UTY: variants seen among roughly 807,000 people sequenced by gnomAD.
UTY encodes the protein histone demethylase UTY.
UTY carries 12 observed loss-of-function variants against 32.5 expected under a neutral mutation model. The observed-to-expected ratio is 0.37, with a 90% confidence interval of 0.24 to 0.60. The LOEUF (loss-of-function observed/expected upper bound fraction) is 0.60. UTY is among the 20% of genes least tolerant of loss of function. The pLI is 0.69. For synonymous variants in UTY, 131 were observed against 103.4 expected, an observed-to-expected ratio of 1.27 and a Z score of -1.62; for missense variants, 303 against 299.2, an observed-to-expected ratio of 1.01 and a Z score of -0.09.
At chrY:13,438,266 T>C (rs995999726) in intron 4 of UTY, among the ~76,000 whole-genome samples, 1 of 33,553 alleles carries the variant, frequency 3.0e-5, no homozygotes, top group African/African-American at 1.2e-4. Flanking sequence ...AGACTAAACC[T>C]TTCTTCTTCT....
intron 7 of UTY, among the ~76,000 whole-genome samples, chrY:13,395,659 AACACACACACACAC>A (rs113496156): frequency 4.5e-5 from 1 of 22,097 alleles, no homozygotes; most frequent in African/African-American, 2.3e-4. Context: ...ACAAAATTAA[AACACACACACACAC>A]ACACACACAC....
intron 4 of UTY, among the ~76,000 whole-genome samples, chrY:13,430,726 T>A (rs558631369): frequency 2.1e-3 from 63 of 29,537 alleles, no homozygotes; most frequent in African/African-American, 7.8e-3. Flanking sequence ...AGATCAATTG[T>A]CCTCTAGACC....
chrY:13,260,761 T>C, intron 27 of UTY, among the ~76,000 whole-genome samples: 1 of 33,247 alleles, frequency 3.0e-5, no homozygotes, highest in Non-Finnish European at 7.5e-5. Context: ...GGAATTTTTA[T>C]GATTATAGAA....
intron 4 of UTY, among the ~76,000 whole-genome samples, chrY:13,423,655 T>TGTCA (rs2072907062): frequency 3.0e-5 from 1 of 33,127 alleles, no homozygotes; most frequent in Non-Finnish European, 7.4e-5. Flanking sequence ...AACCAGATGG[T>TGTCA]GTCAGTAAAT....
chrY:13,270,817 C>T (rs745859684), intron 27 of UTY, among the ~76,000 whole-genome samples: 2 of 33,535 alleles, frequency 6.0e-5, no homozygotes, highest in Non-Finnish European at 1.5e-4. Context: ...TGGTAGCTCA[C>T]GCCTGTAATC....
chrY:13,326,101 G>A, intron 19 of UTY, 120 bp downstream of exon 19: 1 of 228,624 alleles, frequency 4.4e-6, no homozygotes, highest in Non-Finnish European at 6.7e-6. Flanking sequence ...TTAAACCTTT[G>A]AGAGTAAAGT....
intron 25 of UTY, among the ~76,000 whole-genome samples, chrY:13,300,986 C>T (rs1603345101): frequency 3.1e-5 from 1 of 31,777 alleles, no homozygotes; most frequent in Non-Finnish European, 7.6e-5. Flanking sequence ...TTCTGCTTCC[C>T]GGTTCCAGCA....
intron 4 of UTY, among the ~76,000 whole-genome samples, chrY:13,421,389 C>A (rs1046085873): frequency 1.5e-4 from 5 of 33,256 alleles, no homozygotes; most frequent in Admixed American, 1.1e-3. Context: ...TGGGTATATA[C>A]CCCCAGAGTA....
intron 27 of UTY, among the ~76,000 whole-genome samples, chrY:13,267,522 T>C (rs2055925350): frequency 3.0e-5 from 1 of 33,370 alleles, no homozygotes; most frequent in Non-Finnish European, 7.4e-5. Context: ...TAGTCCACTA[T>C]CATTTAAGGT....
intron 26 of UTY, among the ~76,000 whole-genome samples, chrY:13,298,216 T>C (rs1569438358): frequency 3.0e-5 from 1 of 33,360 alleles, no homozygotes; most frequent in Admixed American, 2.7e-4. Context: ...GTTAGCAATG[T>C]AGAGACATGG....
chrY:13,460,638 T>C, intron 3 of UTY, among the ~76,000 whole-genome samples: 9 of 32,653 alleles, frequency 2.8e-4, no homozygotes, highest in Admixed American at 2.9e-4. Context: ...GAAGCGGAGA[T>C]AGCAGTTAGC....
chrY:13,321,118 A>C (rs2059790317), intron 21 of UTY, among the ~76,000 whole-genome samples: 3 of 33,667 alleles, frequency 8.9e-5, no homozygotes, highest in Non-Finnish European at 2.2e-4. Flanking sequence ...CGTCAAAGCC[A>C]ATTAAAAAAA....
intron 27 of UTY, among the ~76,000 whole-genome samples, chrY:13,278,477 T>C (rs2056821002): frequency 3.0e-5 from 1 of 32,973 alleles, no homozygotes; most frequent in African/African-American, 1.2e-4. Flanking sequence ...GGCACTTGGA[T>C]GGCATTCTGG....
chrY:13,315,523 G>C (rs2059434801), intron 21 of UTY, among the ~76,000 whole-genome samples: 1 of 33,863 alleles, frequency 3.0e-5, no homozygotes, highest in Admixed American at 2.6e-4. Context: ...CAGGAGAATA[G>C]CTTGAAGCCA....
chrY:13,480,397 T>C (rs761580553), upstream of UTY: 5 of 33,913 alleles, frequency 1.5e-4, no homozygotes, highest in African/African-American at 5.7e-4. Flanking sequence ...GAGTCCGTAA[T>C]GAGGCTCCCA....
chrY:13,383,026 C>A lies in UTY; in HGVS notation c.645+10833G>T. ...AAAAAAGAGGACATACTGGGCCGGGCGCAGTGGTTTATGCCTACAATCCCA... is the reference window on the plus strand; with the variant it reads ...AAAAAAGAGGACATACTGGGCCGGGAGCAGTGGTTTATGCCTACAATCCCA... On this transcript the variant is annotated intron_variant, in intron 8 of 29. Coordinates refer to ENST00000545955, the MANE Select transcript of UTY (RefSeq NM_001258249.2). Among the ~76,000 whole-genome samples the A allele has an allele frequency of 1.5e-4, 5 of 33,235 alleles. No homozygotes were observed. The South Asian group carries it at 3.4e-3, about 23-fold the overall frequency. 89.2% of individuals were successfully genotyped at this position (33,235 alleles called of 37,273 possible).
intron 17 of UTY, among the ~76,000 whole-genome samples, chrY:13,337,346 T>C (rs963528817): frequency 3.0e-5 from 1 of 33,008 alleles, no homozygotes; most frequent in Admixed American, 2.7e-4. Context: ...ATTATACTAA[T>C]CTTAACAAAA....
At chrY:13,276,114 G>T in intron 27 of UTY, among the ~76,000 whole-genome samples, 3 of 32,278 alleles carry the variant, frequency 9.3e-5, no homozygotes, top group Admixed American at 8.5e-4. Context: ...GGGCATGGTG[G>T]TATGTTCCTG....
intron 3 of UTY, among the ~76,000 whole-genome samples, chrY:13,455,586 A>G (rs2076738138): frequency 5.9e-5 from 2 of 33,624 alleles, no homozygotes; most frequent in African/African-American, 2.3e-4. Context: ...CTGGAAAAAT[A>G]GTTCTATATT....
Sources: allele counts gnomAD v4.1 joint callset (sites outside exome capture counted in the v4.1 genomes callset), GRCh38; gene constraint gnomAD v4.1.1; transcripts MANE v1.5; gene names NCBI Gene and HGNC (gene_info 2026-07-23, HGNC 2026-07-21).